The following SMG7 variants were observed in gnomAD, a reference collection of about 807,000 sequenced individuals.
SMG7 encodes SMG7 nonsense mediated mRNA decay factor, also known as nonsense-mediated mRNA decay factor SMG7.
SMG7 carries 34 observed loss-of-function variants against 148.2 expected under a neutral mutation model. The observed-to-expected ratio is 0.23, with a 90% CI of 0.17 to 0.31. SMG7 has a LOEUF of 0.31. Among genes scored for constraint, SMG7 ranks in the 10% least tolerant of loss-of-function variants. SMG7 has a pLI of 1.00. For missense variants in SMG7, 1,114 were observed against 1,408.4 expected (o/e 0.79, Z 3.35); for synonymous variants, 492 against 515.1 (o/e 0.96, Z 0.61).
chr1:183,528,737 T>C lies in SMG7; in HGVS notation c.557-155T>C, dbSNP rs991552611. 2.0e-5 allele frequency among the ~76,000 whole-genome samples: 3 copies of C among 152,362 alleles called. No homozygotes were observed. In the South Asian group the frequency reaches 6.2e-4, roughly 32 times the overall value. On this transcript the variant is annotated intron_variant, in intron 6 of 22. Coordinates refer to ENST00000688051, the MANE Select transcript of SMG7 (RefSeq NM_001375584.1). ...AGTGTGTACTGTCGCTGAAGTGTGC[T>C]GTTGGACCTTACGCTGGTTTGCAAT...
intron 1 of SMG7, among the ~76,000 whole-genome samples, chr1:183,480,413 G>A (rs1010574769): frequency 1.3e-5 from 2 of 151,618 alleles, no homozygotes; most frequent in African/African-American, 4.8e-5. Flanking sequence ...ATTTTTTTCT[G>A]AGTACATTAT....
In SMG7 at chr1:183,515,802, C is replaced by T. The variant is rs1301330580; in HGVS notation, c.62-72C>T. 3.5e-6 allele frequency: 3 copies of T among 850,146 alleles called. No individual in the cohort carries two copies. The East Asian group carries it at 7.5e-5, about 21-fold the overall frequency. 52.7% of individuals were successfully genotyped at this position (850,146 alleles called of 1,614,324 possible). A position where few individuals can be genotyped will look rare whatever the true frequency, so the allele number is the denominator to read the frequency against. On this transcript the variant is annotated intron_variant, in intron 2 of 22. Coordinates refer to ENST00000688051, the MANE Select transcript of SMG7 (RefSeq NM_001375584.1). ...TTGGGGATAGAGCAGGAAGGAGTCA[C>T]TGGTGTGGTATAATGGTTTTAACTG...
At chr1:183,494,984 A>T (rs960038734) in intron 1 of SMG7, among the ~76,000 whole-genome samples, 3 of 151,666 alleles carry the variant, frequency 2.0e-5, no homozygotes, top group Non-Finnish European at 4.4e-5. Flanking sequence ...ACACGCCACC[A>T]TGCCCAGCTA....
intron 1 of SMG7, among the ~76,000 whole-genome samples, chr1:183,498,560 G>A (rs1048542764): frequency 3.3e-5 from 5 of 152,150 alleles, no homozygotes; most frequent in African/African-American, 7.2e-5. Flanking sequence ...TTTGTTCACC[G>A]TCACCTGTCA....
At chr1:183,486,697 C>T (rs1240153954) in intron 1 of SMG7, among the ~76,000 whole-genome samples, 1 of 152,130 alleles carries the variant, frequency 6.6e-6, no homozygotes, top group Non-Finnish European at 1.5e-5. Flanking sequence ...GCGTGAGCCA[C>T]CACACCTGGC....
At chr1:183,490,292 C>T (rs1287933081) in intron 1 of SMG7, among the ~76,000 whole-genome samples, 2 of 152,102 alleles carry the variant, frequency 1.3e-5, no homozygotes, top group East Asian at 3.8e-4. Context: ...AAGATGGATG[C>T]TTGATGGCAA....
At chr1:183,479,642 T>A (rs1653576475) in intron 1 of SMG7, among the ~76,000 whole-genome samples, 2 of 152,188 alleles carry the variant, frequency 1.3e-5, no homozygotes, top group Non-Finnish European at 2.9e-5. Flanking sequence ...TAAATCTGTG[T>A]TCTTTTACTG....
rs557188491 is a variant in SMG7, at chr1:183,542,916, A to AAT, written c.1842+425_1842+426dup. Reference sequence around the variant, plus strand: ...CAGTTTTTTTTTTTAGATTCACTATAATATATATATATGTGTGTGTGTGTG... The same window carrying AAT: ...CAGTTTTTTTTTTTAGATTCACTATAATATATATATATATGTGTGTGTGTGTG... On this transcript the variant is annotated intron_variant, in intron 14 of 22. Coordinates refer to ENST00000688051, the MANE Select transcript of SMG7 (RefSeq NM_001375584.1). Among the ~76,000 whole-genome samples, 42 of 124,252 alleles carry AAT rather than the reference A, an allele frequency of 3.4e-4. No homozygotes were observed. In the South Asian group the frequency reaches 9.0e-3, roughly 27 times the overall value. The allele number at this position is 124,252 out of a possible 152,430, so 81.5% of individuals were successfully genotyped here. A position where few individuals can be genotyped will look rare whatever the true frequency, so the allele number is the denominator to read the frequency against.
chr1:183,515,534 A>T (rs1475238264), intron 2 of SMG7, among the ~76,000 whole-genome samples: 1 of 152,162 alleles, frequency 6.6e-6, no homozygotes, highest in African/African-American at 2.4e-5. Context: ...GGGTTGGCTT[A>T]CTGTAAGGCA....
At position 183,549,289 on chromosome 1, in the gene SMG7, G is replaced by T; in HGVS notation, c.2973+1G>T. On this transcript the variant is annotated splice_donor_variant, in intron 19 of 22. Transcript: ENST00000688051. LOFTEE classifies it high-confidence loss of function. Reference sequence around the variant, plus strand: ...CCTCACCGGATTCTCTCTCAATCAGGTAGGTGAACAATGAAGAATCCTGCT... The same window carrying T: ...CCTCACCGGATTCTCTCTCAATCAGTTAGGTGAACAATGAAGAATCCTGCT... The T allele has an allele frequency of 6.2e-7, 1 of 1,607,120 alleles. No individual in the cohort carries two copies. Among genetic ancestry groups the T allele is most frequent in the Non-Finnish European group, 8.5e-7 (1 of 1,173,818 alleles).
intron 1 of SMG7, 103 bp from the exon 2 acceptor site, chr1:183,512,734 G>T (rs371771101): frequency 1.9e-6 from 2 of 1,055,586 alleles, no homozygotes; most frequent in Admixed American, 2.7e-5. Flanking sequence ...TATCCTTATC[G>T]TAGTATATGA....
At chr1:183,540,375 G>A (rs181099423) in intron 12 of SMG7, among the ~76,000 whole-genome samples, 128 of 150,686 alleles carry the variant, frequency 8.5e-4, no homozygotes, top group Middle Eastern at 3.4e-3. Context: ...TTATCTTTGT[G>A]TCCTCAGCAT....
At chr1:183,495,761 G>A (rs1262385207) in intron 1 of SMG7, among the ~76,000 whole-genome samples, 2 of 151,966 alleles carry the variant, frequency 1.3e-5, no homozygotes, top group Admixed American at 6.6e-5. Flanking sequence ...CCACCTACTC[G>A]GGAGGCTAAG....
intron 1 of SMG7, among the ~76,000 whole-genome samples, chr1:183,495,331 C>G (rs1391646023): frequency 2.0e-5 from 3 of 152,246 alleles, no homozygotes; most frequent in South Asian, 4.1e-4. Context: ...GTTCATTTCT[C>G]ATGTATAATT....
intron 17 of SMG7, 129 bp from the exon 18 acceptor site, chr1:183,546,973 TC>T (rs1670033985): frequency 3.2e-5 from 28 of 883,584 alleles, no homozygotes; most frequent in Middle Eastern, 2.7e-4. Context: ...GCGTTTTTTC[TC>T]TTTGCCTAAT....
chr1:183,478,108 T>C (rs1261637321), intron 1 of SMG7, among the ~76,000 whole-genome samples: 1 of 152,092 alleles, frequency 6.6e-6, no homozygotes, highest in Admixed American at 6.6e-5. Flanking sequence ...GAGAAGATAG[T>C]GGGAGCATTG....
intron 1 of SMG7, among the ~76,000 whole-genome samples, chr1:183,486,220 G>T (rs1168132006): frequency 1.3e-5 from 2 of 152,262 alleles, no homozygotes; most frequent in South Asian, 4.1e-4. Context: ...AGTAAATGTT[G>T]GCTAATAATA....
At position 183,545,272 on chromosome 1, in the gene SMG7, C is replaced by G. The variant is rs1432354022; in HGVS notation, c.2330C>G (p.Ala777Gly). ...CAATCCCCTACAAAAGCTGTGCCGG[C>G]TTTGGGGAAAAGCCCGCCTCACCAC... is the stretch of plus-strand genomic sequence containing the variant. The part of the protein sequence containing the change: ...QQQSPTKAVP[A>G]LGKSPPHHSG... Residue 777 changes from alanine (A) to glycine (G), a missense_variant, in exon 16 of 23, where the codon GCT becomes GGT. By Grantham distance (60) the Ala-to-Gly change is moderately conservative (BLOSUM62 0). This residue lies in a region of SMG7 where 788 missense variants were observed against 894.5 expected (regional missense o/e 0.88). Coordinates refer to ENST00000688051, the MANE Select transcript of SMG7 (RefSeq NM_001375584.1). 7 of 1,612,740 alleles carry G rather than the reference C, an allele frequency of 4.3e-6. No homozygotes were observed. In the African/African-American group the frequency reaches 9.3e-5, roughly 22 times the overall value.
At chr1:183,483,590 AT>A (rs1434911023) in intron 1 of SMG7, among the ~76,000 whole-genome samples, 1 of 152,170 alleles carries the variant, frequency 6.6e-6, no homozygotes, top group Admixed American at 6.5e-5. Flanking sequence ...CATCTGCAGA[AT>A]TTTGTGTGTG....
Sources: gnomAD v4.1 joint callset for allele counts (sites outside exome capture counted in the v4.1 genomes callset) on GRCh38, gnomAD v4.1.1 for gene constraint, gnomAD v4.1.1 regional missense constraint, MANE v1.5 for transcripts, NCBI Gene and HGNC (gene_info 2026-07-23, HGNC 2026-07-21) for gene names.